ABCB5: variants seen among roughly 807,000 people sequenced by gnomAD.
ABCB5 encodes ATP binding cassette subfamily B member 5, also known as ATP-binding cassette sub-family B member 5.
In ABCB5, 155 loss-of-function variants were observed where a neutral mutation model predicts 144.2. That is an observed-to-expected ratio of 1.08 (90% CI 0.94 to 1.23). ABCB5 has a LOEUF of 1.23. Ranked by LOEUF, ABCB5 falls within the 50% of genes most tolerant of loss-of-function variation. The pLI is 0.00. For synonymous variants in ABCB5, 610 were observed against 528.6 expected, an observed-to-expected ratio of 1.15 and a Z score of -2.11; for missense variants, 1,830 against 1,520.8, an observed-to-expected ratio of 1.20 and a Z score of -3.38.
At chr7:20,617,773 G>T (rs12700224) in intron 1 of ABCB5, among the ~76,000 whole-genome samples, 11,306 of 152,212 alleles carry the variant, frequency 0.074, 528 homozygotes, top group East Asian at 0.15. Flanking sequence ...GATAAAAAGA[G>T]ATAATCCTGC....
intron 14 of ABCB5, among the ~76,000 whole-genome samples, chr7:20,662,182 G>T (rs755312537): frequency 6.6e-6 from 1 of 152,134 alleles, no homozygotes; most frequent in Non-Finnish European, 1.5e-5. Context: ...CCACATCAAT[G>T]GAGAACCTCT....
intron 8 of ABCB5, 37 bp from the exon 9 acceptor site, chr7:20,645,924 C>T (rs773264046): frequency 6.2e-7 from 1 of 1,612,276 alleles, no homozygotes; most frequent in Non-Finnish European, 8.5e-7. Context: ...GTTTTATTTT[C>T]CCCAGTGGCT....
intron 20 of ABCB5, 50 bp from the exon 21 acceptor site, chr7:20,722,966 T>G (rs777642066): frequency 4.5e-6 from 7 of 1,549,398 alleles, no homozygotes; most frequent in East Asian, 2.2e-5. Context: ...GGAACTCTTG[T>G]AAATGTAAAG....
chr7:20,665,675 C>A (rs1785153674), intron 14 of ABCB5, among the ~76,000 whole-genome samples: 2 of 151,322 alleles, frequency 1.3e-5, no homozygotes, highest in Admixed American at 1.3e-4. Flanking sequence ...ACTCCCCTGC[C>A]AATTCAAGCA....
intron 16 of ABCB5, among the ~76,000 whole-genome samples, chr7:20,697,118 T>C (rs1179330639): frequency 1.3e-5 from 2 of 152,214 alleles, no homozygotes; most frequent in African/African-American, 4.8e-5. Flanking sequence ...GCTGAAATGT[T>C]GTGCCCTTTT....
chr7:20,628,352 G>T (rs1227621754), intron 3 of ABCB5, among the ~76,000 whole-genome samples: 2 of 152,066 alleles, frequency 1.3e-5, no homozygotes, highest in African/African-American at 4.8e-5. Context: ...CCATTTTTAT[G>T]GCTGCATAGT....
In ABCB5 at chr7:20,745,457, T is replaced by C. The variant is rs750018600; in HGVS notation, c.3429+19T>C. 1 of 1,613,020 alleles carries C rather than the reference T, an allele frequency of 6.2e-7. No individual in the cohort carries two copies. The highest frequency in any genetic ancestry group is 8.5e-7 in the Non-Finnish European group (1 of 1,179,408). On this transcript the variant is annotated intron_variant, in intron 26 of 27. Transcript: ENST00000404938. ...CCCTGAGGTAAGAAAATTTCTGAAA[T>C]CTTGAATTATAAAGCTGCCAAGTAA...
intron 20 of ABCB5, among the ~76,000 whole-genome samples, chr7:20,718,079 G>GTTTT (rs377757870): frequency 1.7e-3 from 237 of 140,412 alleles, no homozygotes; most frequent in African/African-American, 5.7e-3. Flanking sequence ...TTTTTTTGTG[G>GTTTT]TTTTTTTTTT....
intron 16 of ABCB5, 43 bp from the exon 17 acceptor site, chr7:20,698,364 T>G (rs1226804487): frequency 6.6e-7 from 1 of 1,509,008 alleles, no homozygotes; most frequent in East Asian, 2.3e-5. Context: ...GATTCTGTTA[T>G]GCACACAAAC....
At chr7:20,674,864 C>G (rs1785555306) in intron 14 of ABCB5, among the ~76,000 whole-genome samples, 1 of 151,548 alleles carries the variant, frequency 6.6e-6, no homozygotes, top group Admixed American at 6.6e-5. Flanking sequence ...CATTTCTGTT[C>G]ACAACAAATC....
At chr7:20,734,052 G>T (rs1402637631) in intron 23 of ABCB5, among the ~76,000 whole-genome samples, 1 of 152,098 alleles carries the variant, frequency 6.6e-6, no homozygotes, top group East Asian at 1.9e-4. Context: ...ATTAAATGTG[G>T]TTATTGCCCA....
chr7:20,629,138 G>GAC (rs1000792891), intron 4 of ABCB5, among the ~76,000 whole-genome samples: 3 of 137,636 alleles, frequency 2.2e-5, no homozygotes, highest in African/African-American at 8.2e-5. Context: ...AAGAGAGAGA[G>GAC]AGACTGCGTG....
intron 5 of ABCB5, among the ~76,000 whole-genome samples, chr7:20,640,708 A>G (rs1784278247): frequency 6.6e-6 from 1 of 152,234 alleles, no homozygotes; most frequent in African/African-American, 2.4e-5. Context: ...ATGTCCATAA[A>G]TAACCATGAA....
intron 16 of ABCB5, among the ~76,000 whole-genome samples, chr7:20,686,550 T>A (rs1419426289): frequency 6.6e-6 from 1 of 152,120 alleles, no homozygotes; most frequent in Non-Finnish European, 1.5e-5. Context: ...CCTTCCATCT[T>A]AATCTCACCT....
chr7:20,730,262 C>T (rs867826881), intron 23 of ABCB5, among the ~76,000 whole-genome samples: 1 of 152,246 alleles, frequency 6.6e-6, no homozygotes, highest in Non-Finnish European at 1.5e-5. Context: ...CTAATCCCAG[C>T]ACTTTGGGAG....
At chr7:20,680,036 A>G (rs1433063345) in intron 14 of ABCB5, among the ~76,000 whole-genome samples, 1 of 152,218 alleles carries the variant, frequency 6.6e-6, no homozygotes, top group Non-Finnish European at 1.5e-5. Flanking sequence ...ATGGATAAAT[A>G]AGTTGTGGTA....
intron 24 of ABCB5, among the ~76,000 whole-genome samples, chr7:20,740,470 T>G (rs1782527900): frequency 6.6e-6 from 1 of 152,202 alleles, no homozygotes; most frequent in African/African-American, 2.4e-5. Flanking sequence ...GAAGAATGCC[T>G]GTTAGTGACA....
chr7:20,658,247 C>G (rs1174233393), intron 13 of ABCB5, among the ~76,000 whole-genome samples: 1 of 151,168 alleles, frequency 6.6e-6, no homozygotes, highest in Admixed American at 6.6e-5. Flanking sequence ...ATTAATTTTT[C>G]TAAATACATT....
intron 1 of ABCB5, among the ~76,000 whole-genome samples, chr7:20,620,019 C>T (rs941785526): frequency 2.0e-5 from 3 of 152,078 alleles, no homozygotes; most frequent in African/African-American, 7.2e-5. Context: ...AATTCTGTTC[C>T]ATTGATCTGT....
Sources: gnomAD v4.1 joint callset for allele counts (sites outside exome capture counted in the v4.1 genomes callset) on GRCh38, gnomAD v4.1.1 for gene constraint, MANE v1.5 for transcripts, NCBI Gene and HGNC (gene_info 2026-07-23, HGNC 2026-07-21) for gene names.